The following ALK variants were observed in gnomAD, a reference collection of about 807,000 sequenced individuals.
ALK encodes ALK tyrosine kinase receptor.
A neutral mutation model predicts 163.1 loss-of-function variants in ALK; 74 were observed. The ratio of observed to expected loss-of-function variants is 0.45; its 90% CI spans 0.38 to 0.55. The LOEUF is 0.55. ALK is among the 20% of genes least tolerant of loss of function. ALK has a pLI of 0.00. For missense variants in ALK, 2,063 were observed against 2,105.3 expected (o/e 0.98, Z 0.39); for synonymous variants, 960 against 843.2 (o/e 1.14, Z -2.40).
chr2:29,311,050 C>A lies in ALK; in HGVS notation c.1647+7254G>T, dbSNP rs114840293. Among the ~76,000 whole-genome samples, 412 of 152,342 alleles carry A rather than the reference C, an allele frequency of 2.7e-3. 3 individuals carry two copies. The highest frequency in any genetic ancestry group is 9.1e-3 in the African/African-American group (380 of 41,576). On this transcript the variant is annotated intron_variant, in intron 8 of 28. Transcript: ENST00000389048. The stretch of plus-strand genomic sequence containing the variant: ...TGTATTAGAGGCCCTTGCCCTCTAA[C>A]ACAAAGTTGCGGATGCCTAGACCCC...
intron 1 of ALK, among the ~76,000 whole-genome samples, chr2:29,863,659 C>A (rs1666352183): frequency 6.6e-6 from 1 of 151,992 alleles, no homozygotes; most frequent in South Asian, 2.1e-4. Context: ...GGAAAGGAAA[C>A]CCTTACACTG....
At chr2:29,446,287 GATTTGGAATTGT>G (rs1388409746) in intron 4 of ALK, among the ~76,000 whole-genome samples, 1 of 152,010 alleles carries the variant, frequency 6.6e-6, no homozygotes, top group Non-Finnish European at 1.5e-5. Context: ...ATGAGGCCTG[GATTTGGAATTGT>G]CTTAGGTTTG....
At position 29,694,838 on chromosome 2, in the gene ALK, C is replaced by A. The variant is rs754270761; in HGVS notation, c.952+12G>T. The A allele has an allele frequency of 4.3e-6, 7 of 1,613,282 alleles. No individual in the cohort carries two copies. The African/African-American group carries it at 8.0e-5, about 18-fold the overall frequency. ...GACCCACCCAGGACATCACCAGCAGCCTCTCCCTTACCTCTGGGCATCTCC... is the reference window on the plus strand; with the variant it reads ...GACCCACCCAGGACATCACCAGCAGACTCTCCCTTACCTCTGGGCATCTCC... On this transcript the variant is annotated intron_variant, in intron 3 of 28. Transcript: ENST00000389048.
chr2:29,654,531 C>T (rs1212703050), intron 3 of ALK, among the ~76,000 whole-genome samples: 1 of 152,096 alleles, frequency 6.6e-6, no homozygotes. Flanking sequence ...TAGGGGAACA[C>T]TGAATATGAA....
chr2:29,693,576 C>T (rs1205101472), intron 3 of ALK, among the ~76,000 whole-genome samples: 1 of 152,184 alleles, frequency 6.6e-6, no homozygotes, highest in African/African-American at 2.4e-5. Context: ...AGGAAAGTCT[C>T]TTTTGGTTCT....
chr2:29,538,341 CT>C (rs1673317677), intron 3 of ALK, among the ~76,000 whole-genome samples: 1 of 152,060 alleles, frequency 6.6e-6, no homozygotes, highest in Non-Finnish European at 1.5e-5. Context: ...ATACAACCCC[CT>C]TGGTGATAAG....
chr2:29,868,739 T>G (rs1027012200), intron 1 of ALK, among the ~76,000 whole-genome samples: 1 of 152,234 alleles, frequency 6.6e-6, no homozygotes, highest in Non-Finnish European at 1.5e-5. Flanking sequence ...CCCACACGTT[T>G]TCCTTGTAAT....
rs534589284 is a variant in ALK, at chr2:29,723,048, C to T, written c.668-5351G>A. Among the ~76,000 whole-genome samples, 12 of 152,232 alleles carry T rather than the reference C, an allele frequency of 7.9e-5. No homozygotes were observed. The South Asian group carries it at 2.5e-3, about 32-fold the overall frequency. ...TTATTGCTATGAGCTCAAAGAGGGC[C>T]CCCCTTCAGTCTGTTCTCTATGTGG... is the stretch of plus-strand genomic sequence containing the variant. On this transcript the variant is annotated intron_variant, in intron 1 of 28. Transcript: ENST00000389048.
intron 5 of ALK, among the ~76,000 whole-genome samples, chr2:29,381,605 T>C (rs753042483): frequency 6.6e-6 from 1 of 152,206 alleles, no homozygotes; most frequent in Non-Finnish European, 1.5e-5. Flanking sequence ...GACCAAGTTC[T>C]TATCAGAAAT....
intron 5 of ALK, among the ~76,000 whole-genome samples, chr2:29,352,749 A>G (rs1427423381): frequency 6.6e-6 from 1 of 152,196 alleles, no homozygotes; most frequent in Non-Finnish European, 1.5e-5. Flanking sequence ...TGGGGTAGTG[A>G]GGAATAAGAG....
intron 23 of ALK, among the ~76,000 whole-genome samples, chr2:29,220,083 G>T (rs1443985428): frequency 6.6e-6 from 1 of 152,154 alleles, no homozygotes; most frequent in Non-Finnish European, 1.5e-5. Flanking sequence ...CATGAGAATG[G>T]ATCCAGGCTA....
rs1282186617 is a variant in ALK at position 29,539,075 on chromosome 2, T to C, written c.953-6959A>G. ...CCCCCCTCCCAAATCAGCTGTACTTTTCCTTTACCTTGTCAAGATTGTGTA... is the reference window on the plus strand; with the variant it reads ...CCCCCCTCCCAAATCAGCTGTACTTCTCCTTTACCTTGTCAAGATTGTGTA... On this transcript the variant is annotated intron_variant, in intron 3 of 28. Coordinates refer to ENST00000389048, the MANE Select transcript of ALK (RefSeq NM_004304.5). Among the ~76,000 whole-genome samples the C allele has an allele frequency of 2.0e-5, 3 of 152,194 alleles. No individual in the cohort carries two copies. In the East Asian group the frequency reaches 5.8e-4, roughly 29 times the overall value.
chr2:29,508,656 C>A (rs780947983), intron 4 of ALK, among the ~76,000 whole-genome samples: 6 of 146,126 alleles, frequency 4.1e-5, no homozygotes, highest in African/African-American at 7.7e-5. Flanking sequence ...CGTAACTAAC[C>A]TGCATGTTGT....
chr2:29,813,388 G>C (rs1351485836), intron 1 of ALK, among the ~76,000 whole-genome samples: 1 of 152,116 alleles, frequency 6.6e-6, no homozygotes, highest in Non-Finnish European at 1.5e-5. Flanking sequence ...GAATCTCTTA[G>C]CACTAAGAAT....
chr2:29,731,365 C>T (rs531939043), intron 1 of ALK, among the ~76,000 whole-genome samples: 2 of 152,232 alleles, frequency 1.3e-5, no homozygotes, highest in Admixed American at 1.3e-4. Context: ...CTTCCATGTC[C>T]CCTTCAATCA....
At chr2:29,197,378 G>T (rs781538005) in intron 27 of ALK, among the ~76,000 whole-genome samples, 164 bp downstream of exon 27, 3 of 152,142 alleles carry the variant, frequency 2.0e-5, no homozygotes, top group Non-Finnish European at 4.4e-5. Context: ...CCTGGGAGAC[G>T]CATCCATCTC....
chr2:29,591,288 A>G (rs1003455826), intron 3 of ALK, among the ~76,000 whole-genome samples: 1 of 152,176 alleles, frequency 6.6e-6, no homozygotes, highest in African/African-American at 2.4e-5. Context: ...GACGAACTAA[A>G]TTCTTCATTC....
intron 24 of ALK, among the ~76,000 whole-genome samples, chr2:29,211,008 G>A (rs931414612): frequency 2.0e-5 from 3 of 152,188 alleles, no homozygotes; most frequent in African/African-American, 7.2e-5. Context: ...GAAAAAACAA[G>A]ATGTACTTAG....
At position 29,216,877 on chromosome 2, in the gene ALK, G is replaced by A. The variant is rs561943920; in HGVS notation, c.3646-2796C>T. ...TGTGTTGTATGTGTGTGGTGTGTGC[G>A]TGGCATGTGTGATTGGTTGTGAGTA... On this transcript the variant is annotated intron_variant, in intron 23 of 28. Transcript: ENST00000389048. 1.7e-4 allele frequency among the ~76,000 whole-genome samples: 25 copies of A among 146,946 alleles called. No homozygotes were observed. In the East Asian group the frequency reaches 2.7e-3, roughly 16 times the overall value.
Sources: gnomAD v4.1 joint callset for allele counts (sites outside exome capture counted in the v4.1 genomes callset) on GRCh38, gnomAD v4.1.1 for gene constraint, MANE v1.5 for transcripts, NCBI Gene and HGNC (gene_info 2026-07-23, HGNC 2026-07-21) for gene names.